The following LIPJ variants were observed in gnomAD, a reference collection of about 807,000 sequenced individuals.
The protein encoded by LIPJ is lipase family member J.
LIPJ carries 33 observed loss-of-function variants against 39.8 expected under a neutral mutation model. The ratio of observed to expected loss-of-function variants is 0.83; its 90% CI spans 0.63 to 1.11. The LOEUF (loss-of-function observed/expected upper bound fraction) is 1.11. LIPJ is among the 50% of genes least tolerant of loss of function. The probability of loss-of-function intolerance (pLI) is 0.00; values close to 1 mark genes in which losing one functional copy is unlikely to be tolerated. For synonymous variants in LIPJ, 128 were observed against 139.2 expected (o/e 0.92, Z 0.57); for missense variants, 422 against 427.9 (o/e 0.99, Z 0.12).
At chr10:88,607,567 G>T (rs1443745800), downstream of LIPJ, among the ~76,000 whole-genome samples, 1 of 152,104 alleles carries the variant, frequency 6.6e-6, no homozygotes, top group Non-Finnish European at 1.5e-5. Flanking sequence ...TCTGAGGCTG[G>T]ACTCATAAAA....
At chr10:88,617,589 A>G in the LIPJ span, among the ~76,000 whole-genome samples, 1 of 152,162 alleles carries the variant, frequency 6.6e-6, no homozygotes, top group Non-Finnish European at 1.5e-5. Context: ...AGAATACATG[A>G]GGGAAATGAT....
chr10:88,585,426 T>A (rs1850876253), upstream of LIPJ, among the ~76,000 whole-genome samples: 1 of 152,226 alleles, frequency 6.6e-6, no homozygotes, highest in African/African-American at 2.4e-5. Flanking sequence ...TTCTCCATTG[T>A]CTCTTGAATC....
At chr10:88,596,529 G>C (rs1851260640) in intron 7 of LIPJ, 113 bp downstream of exon 7, 1 of 1,195,134 alleles carries the variant, frequency 8.4e-7, no homozygotes. Context: ...TGAAATTTTT[G>C]GTTTCATTTA....
chr10:88,599,619 GTTGA>G (rs1851395943), intron 8 of LIPJ, among the ~76,000 whole-genome samples: 1 of 150,524 alleles, frequency 6.6e-6, no homozygotes, highest in South Asian at 2.1e-4. Context: ...CTTTTCTATG[GTTGA>G]TTAATATTCC....
the LIPJ span, among the ~76,000 whole-genome samples, chr10:88,622,412 G>T: frequency 6.6e-6 from 1 of 152,172 alleles, no homozygotes; most frequent in Non-Finnish European, 1.5e-5. Flanking sequence ...AATATTTTAA[G>T]CAGAGGAAAC....
At chr10:88,603,858 A>T (rs1041192718) in intron 9 of LIPJ, among the ~76,000 whole-genome samples, 1 of 152,216 alleles carries the variant, frequency 6.6e-6, no homozygotes, top group Admixed American at 6.5e-5. Flanking sequence ...ACTTATATTT[A>T]GGTAAGTTAT....
intron 8 of LIPJ, among the ~76,000 whole-genome samples, chr10:88,599,286 A>G (rs1380269114): frequency 6.6e-6 from 1 of 151,842 alleles, no homozygotes; most frequent in East Asian, 1.9e-4. Flanking sequence ...AATGCTTAAG[A>G]TCTATTCTCT....
intron 8 of LIPJ, among the ~76,000 whole-genome samples, chr10:88,598,986 A>G (rs2134566382): frequency 6.9e-6 from 1 of 144,206 alleles, no homozygotes; most frequent in East Asian, 2.0e-4. Flanking sequence ...TTACAATAAT[A>G]TAAAATATTA....
chr10:88,609,942 T>C (rs7068639), downstream of LIPJ, among the ~76,000 whole-genome samples: 120,528 of 148,810 alleles, frequency 0.81, 49,521 homozygotes, highest in East Asian at 0.99. Context: ...AGTGAGAGGG[T>C]GCTGTATGTA....
At chr10:88,613,483 G>T in the LIPJ span, among the ~76,000 whole-genome samples, 1 of 151,884 alleles carries the variant, frequency 6.6e-6, no homozygotes, top group African/African-American at 2.4e-5. Flanking sequence ...TTCACTGGTT[G>T]TATACATGAT....
chr10:88,593,307 A>C (rs1851142113), intron 4 of LIPJ: 3 of 151,864 alleles, frequency 2.0e-5, no homozygotes. Context: ...TTGTGAGAAC[A>C]GATCCCTAAA....
At chr10:88,607,751 T>C (rs1466506574), downstream of LIPJ, among the ~76,000 whole-genome samples, 1 of 152,138 alleles carries the variant, frequency 6.6e-6, no homozygotes, top group Admixed American at 6.5e-5. Flanking sequence ...GGCAAGACAA[T>C]GGGCATCACC....
At chr10:88,608,537 G>C (rs1440604537), downstream of LIPJ, among the ~76,000 whole-genome samples, 3 of 152,202 alleles carry the variant, frequency 2.0e-5, no homozygotes, top group Non-Finnish European at 4.4e-5. Flanking sequence ...GTAGTCCCCA[G>C]GGAGACCAAG....
chr10:88,594,126 A>C (rs376504184), exon 5 of LIPJ: 1 of 1,610,592 alleles, frequency 6.2e-7, no homozygotes, highest in Admixed American at 1.7e-5. Context: ...ACGAGTTCCA[A>C]AGAATTCTGG....
chr10:88,594,600 A>G, intron 5 of LIPJ, 67 bp from the exon 6 acceptor site: 2 of 747,940 alleles, frequency 2.7e-6, no homozygotes, highest in Non-Finnish European at 4.2e-6. Flanking sequence ...TTATCTCTTC[A>G]TTATTTTCAA....
In LIPJ at chr10:88,586,931, C is replaced by A. The variant is rs1481599110; in HGVS notation, c.-231+86C>A. 2.6e-5 allele frequency: 4 copies of A among 152,096 alleles called. No homozygotes were observed. In the East Asian group the frequency reaches 7.7e-4, roughly 29 times the overall value. The allele number at this position is 152,096 out of a possible 1,614,324, so 9.4% of individuals were successfully genotyped here. On this transcript the variant is annotated intron_variant, in intron 1 of 10. Coordinates refer to ENST00000371939, the Ensembl canonical transcript of LIPJ. ...GTAAATGTCTTCTTTTGAGACCTAA[C>A]AATACTTTTAAGACTGTTGCTTCTA... is the stretch of plus-strand genomic sequence containing the variant.
chr10:88,588,701 T>G (rs1274106663), intron 2 of LIPJ, among the ~76,000 whole-genome samples: 1 of 151,954 alleles, frequency 6.6e-6, no homozygotes, highest in Non-Finnish European at 1.5e-5. Context: ...AAATTTAAAG[T>G]TGTGTTTAAC....
At chr10:88,583,532 G>T, upstream of LIPJ, 1 of 1,139,562 alleles carries the variant, frequency 8.8e-7, no homozygotes, top group Non-Finnish European at 1.1e-6. Flanking sequence ...AGCTGACGTT[G>T]ACCACAGCAG....
intron 2 of LIPJ, among the ~76,000 whole-genome samples, chr10:88,590,100 C>A (rs557650014): frequency 6.6e-6 from 1 of 151,588 alleles, no homozygotes; most frequent in South Asian, 2.1e-4. Context: ...TTAGGAGACT[C>A]AAAAATCACC....
Sources: gnomAD v4.1 joint callset for allele counts (sites outside exome capture counted in the v4.1 genomes callset) on GRCh38, gnomAD v4.1.1 for gene constraint, MANE v1.5 for transcripts, NCBI Gene and HGNC (gene_info 2026-07-23, HGNC 2026-07-21) for gene names.